The following CPNE4 variants were observed in gnomAD, a reference collection of about 807,000 sequenced individuals.
CPNE4 encodes the protein copine-4.
In CPNE4, 25 loss-of-function variants were observed where a neutral mutation model predicts 67.9. The observed-to-expected ratio is 0.37, with a 90% CI of 0.27 to 0.51. CPNE4 has a LOEUF of 0.51. Among genes scored for constraint, CPNE4 ranks in the 20% least tolerant of loss-of-function variants. The probability of loss-of-function intolerance (pLI) is 0.93; values close to 1 mark genes in which losing one functional copy is unlikely to be tolerated. For missense variants in CPNE4, 464 were observed against 690.8 expected (o/e 0.67, Z 3.68); for synonymous variants, 242 against 244.9 (o/e 0.99, Z 0.11).
At chr3:131,915,361 CCTTT>C (rs1335529449) in intron 1 of CPNE4, among the ~76,000 whole-genome samples, 1 of 152,126 alleles carries the variant, frequency 6.6e-6, no homozygotes, top group African/African-American at 2.4e-5. Flanking sequence ...CACTTTACTT[CCTTT>C]ATTCCCAAGG....
chr3:131,778,378 G>A (rs949162028), intron 2 of CPNE4, among the ~76,000 whole-genome samples: 2 of 152,016 alleles, frequency 1.3e-5, no homozygotes, highest in African/African-American at 4.8e-5. Flanking sequence ...TATAGATTTG[G>A]AGTAAGGTTC....
chr3:131,765,821 A>C (rs2082998197), intron 2 of CPNE4, among the ~76,000 whole-genome samples: 1 of 152,052 alleles, frequency 6.6e-6, no homozygotes. Context: ...GCAAGGAAAA[A>C]CTTATGATGA....
chr3:131,714,323 T>C (rs1036175167), intron 3 of CPNE4, among the ~76,000 whole-genome samples: 1 of 152,138 alleles, frequency 6.6e-6, no homozygotes, highest in African/African-American at 2.4e-5. Flanking sequence ...AATCCTAACA[T>C]TCACTTATGT....
At position 131,709,048 on chromosome 3, in the gene CPNE4, C is replaced by G. The variant is rs558581994; in HGVS notation, c.361-9068G>C. 8.1e-4 allele frequency among the ~76,000 whole-genome samples: 109 copies of G among 135,064 alleles called. 2 individuals carry two copies. In the South Asian group the frequency reaches 0.026, roughly 33 times the overall value. The allele number at this position is 135,064 out of a possible 152,430, so 88.6% of individuals were successfully genotyped here. A position where few individuals can be genotyped will look rare whatever the true frequency, so the allele number is the denominator to read the frequency against. On this transcript the variant is annotated intron_variant, in intron 3 of 15. Transcript: ENST00000429747. ...ATAAAAATGTTATAATTCTAAAAAA[C>G]TGGAAACAGCCTTAATGTCCACGGT...
intron 2 of CPNE4, among the ~76,000 whole-genome samples, chr3:131,845,531 CCTTAATCTA>C (rs1333692992): frequency 1.3e-5 from 2 of 152,088 alleles, no homozygotes; most frequent in Non-Finnish European, 2.9e-5. Flanking sequence ...AACAGAAATC[CCTTAATCTA>C]CTTAACTTCA....
In CPNE4 at chr3:131,905,376, A is replaced by G. The variant is rs372483944; in HGVS notation, c.68T>C (p.Leu23Pro). The change falls in exon 2 of 16, where the codon CTG (leucine) becomes CCG (proline). Residue 23 changes from leucine (L) to proline (P), a missense_variant. Physicochemically the swap from Leu to Pro is moderately conservative, Grantham distance 98. Transcript: ENST00000429747. ...CGCCACACGCAGCTCAACTTTGGTCAGGCAGGGGCTGTTAAAGATTCCCAG... is the reference window on the plus strand; with the variant it reads ...CGCCACACGCAGCTCAACTTTGGTCGGGCAGGGGCTGTTAAAGATTCCCAG... ...NTLGIFNSPC[L>P]TKVELRVACK... 5.0e-6 allele frequency: 8 copies of G among 1,613,568 alleles called. No individual in the cohort carries two copies. The highest frequency in any genetic ancestry group is 6.8e-6 in the Non-Finnish European group (8 of 1,179,692).
intron 7 of CPNE4, among the ~76,000 whole-genome samples, chr3:131,643,323 T>G (rs2079582991): frequency 1.3e-5 from 2 of 152,198 alleles, no homozygotes; most frequent in African/African-American, 4.8e-5. Context: ...ATTTTGGAAC[T>G]TTAAGGTTTA....
At chr3:131,909,550 C>T (rs2088898436) in intron 1 of CPNE4, among the ~76,000 whole-genome samples, 1 of 152,146 alleles carries the variant, frequency 6.6e-6, no homozygotes, top group East Asian at 1.9e-4. Flanking sequence ...TTAACTATCC[C>T]TACCTCTCCA....
rs762902380 is a variant in CPNE4 at position 131,542,653 on chromosome 3, C to G, written c.1443G>C (p.Gln481His). ...GVGNADFSDMQMLDGDDGILR... is the reference protein window; with the variant it reads ...GVGNADFSDMHMLDGDDGILR... ...GAATCCCATCATCACCGTCCAGCAT[C>G]TGCATGTCACTGAAGTCAGCGTTCC... The change falls in exon 15 of 16, where the codon CAG becomes CAC. Residue 481 changes from glutamine to histidine, a missense_variant. Transcript: ENST00000429747. 1 of 1,614,032 alleles carries G rather than the reference C, an allele frequency of 6.2e-7. No individual in the cohort carries two copies. The highest frequency in any genetic ancestry group is 8.5e-7 in the Non-Finnish European group (1 of 1,180,008).
intron 3 of CPNE4, among the ~76,000 whole-genome samples, chr3:131,719,548 C>G (rs112381167): frequency 0.026 from 3,980 of 152,312 alleles, 77 homozygotes; most frequent in Middle Eastern, 0.044. Context: ...TCACCCCACT[C>G]CAGCCAGCCT....
At chr3:131,852,121 G>A (rs965958082) in intron 2 of CPNE4, among the ~76,000 whole-genome samples, 4 of 152,096 alleles carry the variant, frequency 2.6e-5, no homozygotes, top group South Asian at 2.1e-4. Context: ...TCACTCATAC[G>A]TTTTATTCTT....
chr3:131,854,746 T>C (rs753702172), intron 2 of CPNE4, among the ~76,000 whole-genome samples: 9 of 151,624 alleles, frequency 5.9e-5, no homozygotes, highest in Admixed American at 2.0e-4. Flanking sequence ...CCATCTTTAT[T>C]CTTTTCCTCC....
At chr3:131,621,858 A>T (rs1276476657) in intron 7 of CPNE4, among the ~76,000 whole-genome samples, 1 of 151,068 alleles carries the variant, frequency 6.6e-6, no homozygotes, top group Non-Finnish European at 1.5e-5. Flanking sequence ...AATACAAAAA[A>T]AAAAATGAGC....
intron 2 of CPNE4, among the ~76,000 whole-genome samples, chr3:131,864,742 T>C (rs2086857707): frequency 6.6e-6 from 1 of 151,974 alleles, no homozygotes; most frequent in African/African-American, 2.4e-5. Context: ...TGCAACACTA[T>C]GTTGAATAGG....
At chr3:131,890,225 A>G (rs2088056201) in intron 2 of CPNE4, among the ~76,000 whole-genome samples, 1 of 152,180 alleles carries the variant, frequency 6.6e-6, no homozygotes, top group African/African-American at 2.4e-5. Context: ...TAATAAACTC[A>G]TAAAACACAA....
intron 1 of CPNE4, among the ~76,000 whole-genome samples, chr3:131,993,754 C>T (rs1240893191): frequency 2.2e-5 from 3 of 136,036 alleles, no homozygotes; most frequent in African/African-American, 4.9e-5. Flanking sequence ...CTAATTATTG[C>T]TTGGAATAAT....
intron 2 of CPNE4, among the ~76,000 whole-genome samples, chr3:131,901,825 A>T (rs2088563697): frequency 1.3e-5 from 2 of 151,090 alleles, no homozygotes; most frequent in Admixed American, 1.3e-4. Context: ...GAGAACCCTT[A>T]ATTTGAAACA....
chr3:131,861,576 G>A (rs934821543), intron 2 of CPNE4, among the ~76,000 whole-genome samples: 3 of 151,866 alleles, frequency 2.0e-5, no homozygotes, highest in Non-Finnish European at 1.5e-5. Context: ...GATTACAGGC[G>A]CCTGCCACCA....
chr3:131,959,966 A>G (rs564142407), intron 1 of CPNE4, among the ~76,000 whole-genome samples: 1 of 152,240 alleles, frequency 6.6e-6, no homozygotes. Context: ...AATATGTCAT[A>G]CTTCTAGGTG....
Sources: allele counts gnomAD v4.1 joint callset (sites outside exome capture counted in the v4.1 genomes callset), GRCh38; gene constraint gnomAD v4.1.1; transcripts MANE v1.5; gene names NCBI Gene and HGNC (gene_info 2026-07-23, HGNC 2026-07-21).